COA1: variants seen among roughly 807,000 people sequenced by gnomAD.
The protein encoded by COA1 is cytochrome c oxidase assembly factor 1.
A neutral mutation model predicts 16.0 loss-of-function variants in COA1; 13 were observed. The ratio of observed to expected loss-of-function variants is 0.81; its 90% CI spans 0.53 to 1.29. The LOEUF (loss-of-function observed/expected upper bound fraction) is 1.29, where lower values mean the gene tolerates loss of function less well. COA1 is among the 50% of genes most tolerant of loss of function. The pLI, the probability that COA1 is intolerant of heterozygous loss-of-function variation, is 0.00. For synonymous variants in COA1, 65 were observed against 65.7 expected, an observed-to-expected ratio of 0.99 and a Z score of 0.05; for missense variants, 179 against 177.0, an observed-to-expected ratio of 1.01 and a Z score of -0.06.
At chr7:43,629,266 C>A (rs926365430) in intron 6 of COA1, among the ~76,000 whole-genome samples, 2 of 152,208 alleles carry the variant, frequency 1.3e-5, no homozygotes, top group African/African-American at 2.4e-5. Context: ...TCTTCTTCTG[C>A]AAACTGCTTT....
intron 1 of COA1, among the ~76,000 whole-genome samples, chr7:43,655,001 CATT>C (rs1213451617): frequency 6.6e-6 from 1 of 151,894 alleles, no homozygotes; most frequent in Non-Finnish European, 1.5e-5. Context: ...ATCCTGAAAA[CATT>C]ATTTGAAAAC....
intron 6 of COA1, chr7:43,632,287 C>A: frequency 6.5e-6 from 1 of 153,518 alleles, no homozygotes; most frequent in Non-Finnish European, 1.5e-5. Context: ...GAGGTTACAG[C>A]AATTCGGTCA....
intron 1 of COA1, among the ~76,000 whole-genome samples, chr7:43,717,492 C>T (rs1563474582): frequency 1.3e-5 from 2 of 152,166 alleles, no homozygotes; most frequent in Non-Finnish European, 1.5e-5. Context: ...TTACCCAATA[C>T]CTGTAAACCC....
chr7:43,610,679 G>A (rs1289500213), intron 6 of COA1, among the ~76,000 whole-genome samples: 1 of 152,024 alleles, frequency 6.6e-6, no homozygotes, highest in Admixed American at 6.6e-5. Context: ...AAAAAGAACT[G>A]CTATATGGCA....
intron 6 of COA1, chr7:43,624,979 T>C: frequency 1.2e-6 from 1 of 832,170 alleles, no homozygotes; most frequent in Non-Finnish European, 1.7e-6. Flanking sequence ...CTTTGTCAAA[T>C]TTGTGGAGTT....
intron 1 of COA1, among the ~76,000 whole-genome samples, chr7:43,705,542 G>A (rs1031567362): frequency 1.3e-5 from 2 of 152,190 alleles, no homozygotes; most frequent in South Asian, 4.1e-4. Context: ...CGGGCAGTTG[G>A]GGGAGGTCCT....
chr7:43,680,222 C>T (rs993628839), intron 1 of COA1, among the ~76,000 whole-genome samples: 2 of 149,154 alleles, frequency 1.3e-5, no homozygotes, highest in Admixed American at 6.7e-5. Flanking sequence ...TCTTTTTCCC[C>T]GGAGAGCCAT....
chr7:43,614,324 T>G (rs2083153131), intron 6 of COA1, among the ~76,000 whole-genome samples: 1 of 152,232 alleles, frequency 6.6e-6, no homozygotes, highest in Non-Finnish European at 1.5e-5. Flanking sequence ...TTGATTGACC[T>G]TGCTTCTTTC....
chr7:43,717,698 G>A (rs1236990628), intron 1 of COA1, among the ~76,000 whole-genome samples: 1 of 152,126 alleles, frequency 6.6e-6, no homozygotes, highest in African/African-American at 2.4e-5. Flanking sequence ...GGGGCCGGGG[G>A]GGGAACAATA....
At chr7:43,608,893 T>C (rs2082653211) in exon 7 of COA1, 1 of 152,398 alleles carries the variant, frequency 6.6e-6, no homozygotes, top group Non-Finnish European at 1.5e-5. Flanking sequence ...AGCAGTGTTT[T>C]GGAAAATAGG....
intron 1 of COA1, among the ~76,000 whole-genome samples, chr7:43,671,219 T>G (rs1268067073): frequency 6.6e-6 from 1 of 152,174 alleles, no homozygotes; most frequent in African/African-American, 2.4e-5. Context: ...TAGCTTGGAT[T>G]AGACAATCGT....
intron 1 of COA1, among the ~76,000 whole-genome samples, chr7:43,655,182 T>C (rs1302500429): frequency 6.6e-6 from 1 of 152,206 alleles, no homozygotes; most frequent in East Asian, 1.9e-4. Context: ...TTATTTTTAG[T>C]ATTTTAGATG....
At position 43,623,714 on chromosome 7, in the gene COA1, T is replaced by C. The variant is rs774347943; in HGVS notation, c.*134-14219A>G. 1.4e-5 allele frequency: 22 copies of C among 1,606,020 alleles called. No homozygotes were observed. The highest frequency in any genetic ancestry group is 7.9e-5 in the South Asian group (7 of 88,582). ...GCATTTTCTTTCTAATTTAGGAGCA[T>C]TGGAGTGTTAACATATGTCATGCTT... is the stretch of plus-strand genomic sequence containing the variant. On this transcript the variant is annotated intron_variant and NMD_transcript_variant, in intron 6 of 6. Transcript: ENST00000415076.
intron 1 of COA1, among the ~76,000 whole-genome samples, chr7:43,724,100 G>A (rs921158617): frequency 4.1e-4 from 62 of 152,116 alleles, no homozygotes; most frequent in African/African-American, 1.4e-3. Context: ...CTTTGGAAAG[G>A]TAAACGTGAT....
intron 1 of COA1, among the ~76,000 whole-genome samples, chr7:43,703,631 C>T (rs759558712): frequency 2.0e-4 from 30 of 152,128 alleles, no homozygotes; most frequent in Non-Finnish European, 3.8e-4. Flanking sequence ...GGTTTAAAGT[C>T]GGTTTTGTCT....
chr7:43,670,728 C>T (rs1325891648), intron 1 of COA1, among the ~76,000 whole-genome samples: 1 of 152,106 alleles, frequency 6.6e-6, no homozygotes. Context: ...ATACTTTTAT[C>T]CTTCTCTAAT....
At chr7:43,624,964 A>T in intron 6 of COA1, 1 of 929,050 alleles carries the variant, frequency 1.1e-6, no homozygotes, top group Non-Finnish European at 1.5e-6. Context: ...CACAAACAAA[A>T]ATAACTTTGT....
chr7:43,629,123 C>G (rs1444557308), intron 6 of COA1, among the ~76,000 whole-genome samples: 1 of 152,204 alleles, frequency 6.6e-6, no homozygotes, highest in Non-Finnish European at 1.5e-5. Context: ...TCTCCTTTCA[C>G]TGTTAAACTG....
chr7:43,619,251 G>C (rs894150440), intron 6 of COA1, among the ~76,000 whole-genome samples: 2 of 152,190 alleles, frequency 1.3e-5, no homozygotes, highest in African/African-American at 4.8e-5. Flanking sequence ...AATTGTGCTT[G>C]ACCATGCTTT....
Sources: gnomAD v4.1 joint callset for allele counts (sites outside exome capture counted in the v4.1 genomes callset) on GRCh38, gnomAD v4.1.1 for gene constraint, MANE v1.5 for transcripts, NCBI Gene and HGNC (gene_info 2026-07-23, HGNC 2026-07-21) for gene names.